MAD2L1: variants seen among roughly 807,000 people sequenced by gnomAD.
The protein encoded by MAD2L1 is mitotic spindle assembly checkpoint protein MAD2A.
MAD2L1 carries 10 observed loss-of-function variants against 25.9 expected under a neutral mutation model. The observed-to-expected ratio is 0.39, with a 90% CI of 0.24 to 0.66. The LOEUF (loss-of-function observed/expected upper bound fraction) is 0.66, where lower values mean the gene tolerates loss of function less well. Ranked by LOEUF, MAD2L1 falls within the 30% of genes least tolerant of loss-of-function variation. The pLI is 0.49. For synonymous variants in MAD2L1, 81 were observed against 91.8 expected (o/e 0.88, Z 0.67); for missense variants, 180 against 246.4 (o/e 0.73, Z 1.80).
chr4:120,063,453 ACT>A (rs942883435), intron 2 of MAD2L1, among the ~76,000 whole-genome samples: 4 of 152,118 alleles, frequency 2.6e-5, no homozygotes, highest in African/African-American at 9.7e-5. Flanking sequence ...GTGTAAAAAC[ACT>A]CTTAGCTTGT....
rs1011028145 is a variant in MAD2L1 at position 120,056,917 on chromosome 4, T to C, written c.*3201A>G. 1.1e-4 allele frequency: 17 copies of C among 152,206 alleles called. No homozygotes were observed. Among genetic ancestry groups the C allele is most frequent in the African/African-American group, 4.1e-4 (17 of 41,460 alleles). 9.4% of individuals were successfully genotyped at this position (152,206 alleles called of 1,614,324 possible). A position where few individuals can be genotyped will look rare whatever the true frequency, so the allele number is the denominator to read the frequency against. ...TTAGGTATATTTGGGAGAGACATTC[T>C]GTTTGAGATACTATGGATGGAGGCA... On this transcript the variant is annotated 3_prime_UTR_variant, in exon 5 of 5. Coordinates refer to ENST00000296509, the MANE Select transcript of MAD2L1 (RefSeq NM_002358.4).
At chr4:120,066,302 A>G (rs913754822) in intron 1 of MAD2L1, among the ~76,000 whole-genome samples, 1 of 152,048 alleles carries the variant, frequency 6.6e-6, no homozygotes, top group Non-Finnish European at 1.5e-5. Context: ...CTCATGCCCA[A>G]TAATCACTTT....
intron 1 of MAD2L1, 40 bp downstream of exon 1, chr4:120,066,622 C>G: frequency 6.4e-7 from 1 of 1,572,110 alleles, no homozygotes; most frequent in Non-Finnish European, 8.7e-7. Flanking sequence ...GCCGTCACGA[C>G]TCCGTTCCCC....
At chr4:120,062,215 CTAT>C in intron 2 of MAD2L1, 120 bp from the exon 3 acceptor site, 1 of 842,168 alleles carries the variant, frequency 1.2e-6, no homozygotes, top group African/African-American at 1.7e-5. Context: ...GGACCTCCTC[CTAT>C]GTGCAAGAAA....
rs2110506892 is a variant in MAD2L1 at position 120,057,111 on chromosome 4, C to A, written c.*3007G>T. On this transcript the variant is annotated 3_prime_UTR_variant, in exon 5 of 5. Coordinates refer to ENST00000296509, the MANE Select transcript of MAD2L1 (RefSeq NM_002358.4). Reference sequence around the variant, plus strand: ...CAGCCATGTTTTTTTCTTATTGGAACACACTCACGCTCATTCATTTATGTA... The same window carrying A: ...CAGCCATGTTTTTTTCTTATTGGAAAACACTCACGCTCATTCATTTATGTA... 1 of 152,284 alleles carries A rather than the reference C, an allele frequency of 6.6e-6. No homozygotes were observed. Among genetic ancestry groups the A allele is most frequent in the Non-Finnish European group, 1.5e-5 (1 of 68,026 alleles). 9.4% of individuals were successfully genotyped at this position (152,284 alleles called of 1,614,324 possible). A position where few individuals can be genotyped will look rare whatever the true frequency, so the allele number is the denominator to read the frequency against.
chr4:120,065,639 C>A, intron 2 of MAD2L1, 33 bp downstream of exon 2: 1 of 1,607,914 alleles, frequency 6.2e-7, no homozygotes, highest in Non-Finnish European at 8.5e-7. Flanking sequence ...AGAAAATCTG[C>A]AAGACTCAAA....
At chr4:120,062,186 T>C (rs929365798) in intron 2 of MAD2L1, 91 bp from the exon 3 acceptor site, 5 of 1,158,546 alleles carry the variant, frequency 4.3e-6, no homozygotes, top group Non-Finnish European at 6.1e-6. Context: ...CCTCAGCAAA[T>C]TCCTACCACT....
chr4:120,062,819 G>T (rs1007187016), intron 2 of MAD2L1, among the ~76,000 whole-genome samples: 1 of 152,206 alleles, frequency 6.6e-6, no homozygotes, highest in Non-Finnish European at 1.5e-5. Context: ...AAAGTGGACT[G>T]GAGATGTTAA....
At chr4:120,064,346 A>G (rs1726277628) in intron 2 of MAD2L1, among the ~76,000 whole-genome samples, 1 of 152,188 alleles carries the variant, frequency 6.6e-6, no homozygotes, top group Non-Finnish European at 1.5e-5. Context: ...ACAGAGGTCT[A>G]TTCCCACACC....
At chr4:120,063,614 T>C (rs1012399157) in intron 2 of MAD2L1, among the ~76,000 whole-genome samples, 2 of 152,056 alleles carry the variant, frequency 1.3e-5, no homozygotes, top group African/African-American at 4.8e-5. Context: ...ATGAAACCAA[T>C]GGGGATAATT....
chr4:120,055,802 T>TG lies in MAD2L1; in HGVS notation c.*4315dup, dbSNP rs1726098507. 1 of 152,226 alleles carries TG rather than the reference T, an allele frequency of 6.6e-6. No individual in the cohort carries two copies. The highest frequency in any genetic ancestry group is 2.4e-5 in the African/African-American group (1 of 41,460). The allele number at this position is 152,226 out of a possible 1,614,324, so 9.4% of individuals were successfully genotyped here. A position where few individuals can be genotyped will look rare whatever the true frequency, so the allele number is the denominator to read the frequency against. ...ATTAGTTGGAAAATTGTTTCATTAC[T>TG]GTTCACAAATTCATACCTGATTTAC... On this transcript the variant is annotated 3_prime_UTR_variant, in exon 5 of 5. Transcript: ENST00000296509.
Position 120,056,951 on chromosome 4 carries a change from T to G in MAD2L1, c.*3167A>C, listed in dbSNP as rs144883075. 6.6e-6 allele frequency: 1 copy of G among 152,338 alleles called. No individual in the cohort carries two copies. Among genetic ancestry groups the G allele is most frequent in the Non-Finnish European group, 1.5e-5 (1 of 68,020 alleles). 9.4% of individuals were successfully genotyped at this position (152,338 alleles called of 1,614,324 possible). The stretch of plus-strand genomic sequence containing the variant: ...TACTATGGATGGAGGCAACAAACGA[T>G]GTTTTACAAGTGAGCTTTAAATATT... On this transcript the variant is annotated 3_prime_UTR_variant, in exon 5 of 5. Transcript: ENST00000296509.
rs371999784 is a variant in MAD2L1 at position 120,065,653 on chromosome 4, T to A, written c.220+19A>T. The A allele has an allele frequency of 1.9e-6, 3 of 1,611,698 alleles. No individual in the cohort carries two copies. In the African/African-American group the frequency reaches 4.0e-5, roughly 22 times the overall value. On this transcript the variant is annotated intron_variant, in intron 2 of 4. Transcript: ENST00000296509. ...TAGAAAATCTGCAAGACTCAAATTG[T>A]TTCCAATGATTAAAATACCTTTCAG...
In MAD2L1 at chr4:120,062,082, C is replaced by G. The variant is rs149949223; in HGVS notation, c.234G>C (p.Lys78Asn). The G allele has an allele frequency of 1.5e-5, 24 of 1,609,952 alleles. No individual in the cohort carries two copies. The highest frequency in any genetic ancestry group is 1.9e-5 in the Non-Finnish European group (22 of 1,178,492). ...VVEQLKDWLY[K>N]CSVQKLVVVI... Reference sequence around the variant, plus strand: ...CTACAACCAGTTTCTGAACTGAACACTTGTATAACCAATCTGCAACATATA... The same window carrying G: ...CTACAACCAGTTTCTGAACTGAACAGTTGTATAACCAATCTGCAACATATA... The change falls in exon 3 of 5, where the codon AAG becomes AAC. Residue 78 changes from lysine to asparagine, a missense_variant. Lys to Asn is a moderately conservative substitution (Grantham distance 94). Transcript: ENST00000296509.
intron 2 of MAD2L1, among the ~76,000 whole-genome samples, chr4:120,063,191 T>G (rs1215787604): frequency 6.6e-6 from 1 of 152,132 alleles, no homozygotes; most frequent in African/African-American, 2.4e-5. Flanking sequence ...GAAAGAGGCT[T>G]GGGATAGATG....
In MAD2L1 at chr4:120,056,643, AT is replaced by A. The variant is rs1421900928; in HGVS notation, c.*3474del. 2 of 152,232 alleles carry A rather than the reference AT, an allele frequency of 1.3e-5. No homozygotes were observed. Among genetic ancestry groups the A allele is most frequent in the East Asian group, 3.8e-4 (2 of 5,196 alleles). 9.4% of individuals were successfully genotyped at this position (152,232 alleles called of 1,614,324 possible). A position where few individuals can be genotyped will look rare whatever the true frequency, so the allele number is the denominator to read the frequency against. ...AGTCAGTATAATTAGCATTATACTA[AT>A]AAAAACATTTTTCAGCATGCATGTC... On this transcript the variant is annotated 3_prime_UTR_variant, in exon 5 of 5. Coordinates refer to ENST00000296509, the MANE Select transcript of MAD2L1 (RefSeq NM_002358.4).
intron 2 of MAD2L1, among the ~76,000 whole-genome samples, chr4:120,062,747 G>A (rs1726245422): frequency 6.6e-6 from 1 of 152,230 alleles, no homozygotes; most frequent in Non-Finnish European, 1.5e-5. Flanking sequence ...ATTACTGTGT[G>A]TGAACAGGAT....
chr4:120,061,057 CTGAT>C (rs1451194943), intron 3 of MAD2L1, 80 bp from the exon 4 acceptor site: 1 of 797,358 alleles, frequency 1.3e-6, no homozygotes, highest in African/African-American at 1.7e-5. Flanking sequence ...GATTATTTAT[CTGAT>C]TAAATGCTCT....
rs1007859588 is a variant in MAD2L1 at position 120,059,133 on chromosome 4, C to T, written c.*985G>A. 1 of 152,088 alleles carries T rather than the reference C, an allele frequency of 6.6e-6. No homozygotes were observed. The highest frequency in any genetic ancestry group is 2.4e-5 in the African/African-American group (1 of 41,414). 9.4% of individuals were successfully genotyped at this position (152,088 alleles called of 1,614,324 possible). A position where few individuals can be genotyped will look rare whatever the true frequency, so the allele number is the denominator to read the frequency against. Reference sequence around the variant, plus strand: ...AAGGAAAAGTAGGCTGACAATAAGGCTAAGAGTATAGTAAAGTACTAAAAT... The same window carrying T: ...AAGGAAAAGTAGGCTGACAATAAGGTTAAGAGTATAGTAAAGTACTAAAAT... On this transcript the variant is annotated 3_prime_UTR_variant, in exon 5 of 5. Coordinates refer to ENST00000296509, the MANE Select transcript of MAD2L1 (RefSeq NM_002358.4).
Sources: allele counts gnomAD v4.1 joint callset (sites outside exome capture counted in the v4.1 genomes callset), GRCh38; gene constraint gnomAD v4.1.1; transcripts MANE v1.5; gene names NCBI Gene and HGNC (gene_info 2026-07-23, HGNC 2026-07-21).